The following DNAJC7 variants were observed in gnomAD, a reference collection of about 807,000 sequenced individuals.
DNAJC7 encodes DnaJ heat shock protein family (Hsp40) member C7, also known as dnaJ homolog subfamily C member 7.
Under a neutral mutation model 67.4 loss-of-function variants are expected in DNAJC7, and 18 were observed. The observed-to-expected ratio is 0.27, with a 90% CI of 0.18 to 0.40. The LOEUF (loss-of-function observed/expected upper bound fraction) is 0.40. DNAJC7 is among the 10% of genes least tolerant of loss of function. The pLI is 1.00. For missense variants in DNAJC7, 419 were observed against 613.8 expected, an observed-to-expected ratio of 0.68 and a Z score of 3.35; for synonymous variants, 220 against 207.8, an observed-to-expected ratio of 1.06 and a Z score of -0.50.
At chr17:41,997,068 A>G in intron 3 of DNAJC7, 47 bp downstream of exon 3, 1 of 1,612,238 alleles carries the variant, frequency 6.2e-7, no homozygotes, top group Non-Finnish European at 8.5e-7. Context: ...AGAGAAACTC[A>G]ACTGTAGCAA....
intron 7 of DNAJC7, 105 bp downstream of exon 7, chr17:41,989,299 G>T: frequency 6.9e-7 from 1 of 1,449,228 alleles, no homozygotes; most frequent in South Asian, 1.4e-5. Context: ...AAAGCAGGAG[G>T]AAAAGCTATC....
intron 5 of DNAJC7, among the ~76,000 whole-genome samples, chr17:41,991,188 G>A (rs1555647729): frequency 6.6e-6 from 1 of 152,292 alleles, no homozygotes; most frequent in Admixed American, 6.5e-5. Flanking sequence ...ATTCCTGGGA[G>A]AGCCTTGCTG....
intron 12 of DNAJC7, among the ~76,000 whole-genome samples, chr17:41,978,151 C>T (rs1473983567): frequency 6.6e-6 from 1 of 152,198 alleles, no homozygotes; most frequent in Non-Finnish European, 1.5e-5. Flanking sequence ...ACTGGAAAAT[C>T]CAACTCCTGC....
chr17:42,010,939 AT>A (rs1353679645), intron 1 of DNAJC7: 5 of 152,196 alleles, frequency 3.3e-5, no homozygotes, highest in Non-Finnish European at 7.3e-5. Context: ...AGGAATTGCC[AT>A]TTTGATCCGA....
At chr17:41,993,264 C>T (rs1349900309) in intron 5 of DNAJC7, among the ~76,000 whole-genome samples, 2 of 151,838 alleles carry the variant, frequency 1.3e-5, no homozygotes, top group South Asian at 2.1e-4. Context: ...TCAAGACCAT[C>T]CTGGCTAACA....
intron 5 of DNAJC7, 95 bp from the exon 6 acceptor site, chr17:41,990,477 A>T: frequency 9.7e-7 from 1 of 1,032,648 alleles, no homozygotes; most frequent in South Asian, 1.4e-5. Context: ...TCAAAACTCA[A>T]TGAGGTCTTT....
At chr17:41,999,054 A>C (rs2051736037) in intron 2 of DNAJC7, among the ~76,000 whole-genome samples, 1 of 152,032 alleles carries the variant, frequency 6.6e-6, no homozygotes, top group Non-Finnish European at 1.5e-5. Flanking sequence ...AAAAAAAAGA[A>C]AAGAAAAAGA....
chr17:42,017,404 C>CGG lies in DNAJC7; in HGVS notation c.11_12dup (p.Ala5ProfsTer7), dbSNP rs2052335391. On this transcript the variant is annotated frameshift_variant, in exon 1 of 14. Transcript: ENST00000457167. LOFTEE classifies it high-confidence loss of function. ...GCCGCCATTACCACATCGCACTCCG[C>CGG]GGCAGCCGCCATCTTACCGCCGGGA... is the stretch of plus-strand genomic sequence containing the variant. 1.2e-6 allele frequency: 2 copies of CGG among 1,608,454 alleles called. No homozygotes were observed. Among genetic ancestry groups the CGG allele is most frequent in the Non-Finnish European group, 1.7e-6 (2 of 1,179,854 alleles).
intron 2 of DNAJC7, among the ~76,000 whole-genome samples, chr17:41,998,776 G>A (rs1431389289): frequency 6.6e-6 from 1 of 152,176 alleles, no homozygotes; most frequent in Non-Finnish European, 1.5e-5. Flanking sequence ...CATTTTCTAA[G>A]GTAGTAAATG....
rs1555644905 is a variant in DNAJC7, at chr17:41,976,786, G to C, written c.1448-16C>G. On this transcript the variant is annotated splice_polypyrimidine_tract_variant and intron_variant, in intron 13 of 13. Transcript: ENST00000457167. ...GGACCAGATGCTGAAAGAGAAAAGAGGGGTTGGTAGTTGGCTATGGATTTT... is the reference window on the plus strand; with the variant it reads ...GGACCAGATGCTGAAAGAGAAAAGACGGGTTGGTAGTTGGCTATGGATTTT... 1.2e-6 allele frequency: 2 copies of C among 1,607,430 alleles called. No individual in the cohort carries two copies. The highest frequency in any genetic ancestry group is 1.8e-5 in the Admixed American group (1 of 56,768).
intron 1 of DNAJC7, chr17:42,016,557 G>A (rs567269975): frequency 1.3e-5 from 2 of 152,530 alleles, no homozygotes; most frequent in East Asian, 1.9e-4. Flanking sequence ...ACTGTTGCCA[G>A]AATCTAGAGC....
intron 1 of DNAJC7, 127 bp downstream of exon 1, chr17:42,017,213 G>C: frequency 6.3e-7 from 1 of 1,594,780 alleles, no homozygotes; most frequent in Admixed American, 1.7e-5. Context: ...CTTGATCTCA[G>C]ATGGGGGGGT....
At chr17:42,014,927 T>C (rs2052225286) in intron 1 of DNAJC7, 1 of 151,982 alleles carries the variant, frequency 6.6e-6, no homozygotes, top group South Asian at 2.1e-4. Flanking sequence ...TGTTGTCATG[T>C]TTAATTTACA....
chr17:42,007,658 G>C (rs1455911884), intron 1 of DNAJC7, among the ~76,000 whole-genome samples: 1 of 151,540 alleles, frequency 6.6e-6, no homozygotes, highest in Non-Finnish European at 1.5e-5. Context: ...CTGGTAGCTG[G>C]GACTACAGGC....
chr17:42,011,426 G>C (rs2143349727), intron 1 of DNAJC7: 1 of 152,314 alleles, frequency 6.6e-6, no homozygotes, highest in East Asian at 1.9e-4. Context: ...TCTGGCACTA[G>C]TTAACATGTG....
intron 10 of DNAJC7, 84 bp downstream of exon 10, chr17:41,983,479 C>A: frequency 8.1e-7 from 1 of 1,233,750 alleles, no homozygotes; most frequent in Admixed American, 2.2e-5. Context: ...GATCCCTGAT[C>A]CCTGAATCAA....
At chr17:41,990,160 CCTAGCTGGCCTA>C in intron 6 of DNAJC7, 92 bp downstream of exon 6, 1 of 1,122,590 alleles carries the variant, frequency 8.9e-7, no homozygotes, top group South Asian at 1.4e-5. Context: ...TCTGATCAGC[CCTAGCTGGCCTA>C]CTCTGGGGAC....
intron 2 of DNAJC7, 22 bp downstream of exon 2, chr17:42,000,460 G>T: frequency 6.5e-7 from 1 of 1,541,762 alleles, no homozygotes; most frequent in African/African-American, 1.4e-5. Context: ...GTTTTCTAGC[G>T]TAAGTATCAG....
chr17:42,007,838 C>CTTTT (rs140104313), intron 1 of DNAJC7, among the ~76,000 whole-genome samples: 1 of 44,524 alleles, frequency 2.2e-5, no homozygotes, highest in Non-Finnish European at 4.4e-5. Context: ...AAAAAACTGC[C>CTTTT]TTTTTTTTTT....
Sources: allele counts gnomAD v4.1 joint callset (sites outside exome capture counted in the v4.1 genomes callset), GRCh38; gene constraint gnomAD v4.1.1; transcripts MANE v1.5; gene names NCBI Gene and HGNC (gene_info 2026-07-23, HGNC 2026-07-21).